The following NRROS variants were observed in gnomAD, a reference collection of about 807,000 sequenced individuals.
NRROS encodes negative regulator of reactive oxygen species, also known as transforming growth factor beta activator LRRC33.
Under a neutral mutation model 12.0 loss-of-function variants are expected in NRROS, and 6 were observed. The observed-to-expected ratio is 0.50, with a 90% CI of 0.27 to 0.98. NRROS has a LOEUF of 0.98. Ranked by LOEUF, NRROS falls within the 50% of genes least tolerant of loss-of-function variation. NRROS has a pLI of 0.11. For missense variants in NRROS, 857 were observed against 888.2 expected, an observed-to-expected ratio of 0.96 and a Z score of 0.45; for synonymous variants, 462 against 410.2, an observed-to-expected ratio of 1.13 and a Z score of -1.53.
At chr3:196,648,466 T>C (rs1260913545) in intron 1 of NRROS, among the ~76,000 whole-genome samples, 1 of 152,114 alleles carries the variant, frequency 6.6e-6, no homozygotes, top group African/African-American at 2.4e-5. Flanking sequence ...TGTTAGAGAT[T>C]CTTTAAAATC....
Position 196,654,347 on chromosome 3 carries a change from G to A in NRROS, c.-13-180G>A, listed in dbSNP as rs911877479. ...TTGAGTTCTTGTCAACAGTTTCAGT[G>A]AAAGGCCGGAAGTCTTGGCTAAATG... is the stretch of plus-strand genomic sequence containing the variant. On this transcript the variant is annotated intron_variant, in intron 1 of 2. Transcript: ENST00000328557. This position sits in a 1 kb window ranked among gnomAD's most constrained non-coding sequence, Gnocchi z 4.4. 1.3e-5 allele frequency among the ~76,000 whole-genome samples: 2 copies of A among 152,204 alleles called. No individual in the cohort carries two copies. The highest frequency in any genetic ancestry group is 2.9e-5 in the Non-Finnish European group (2 of 68,038).
At chr3:196,649,356 A>C (rs1470421526) in intron 1 of NRROS, among the ~76,000 whole-genome samples, 1 of 152,198 alleles carries the variant, frequency 6.6e-6, no homozygotes, top group African/African-American at 2.4e-5. Flanking sequence ...GGAGGCCTCC[A>C]TCCGGCACCG....
chr3:196,656,480 T>C (rs1737539537), intron 2 of NRROS, among the ~76,000 whole-genome samples: 1 of 152,300 alleles, frequency 6.6e-6, no homozygotes, highest in Admixed American at 6.5e-5. Flanking sequence ...TACGTAATAA[T>C]AATATCTACC....
At position 196,661,702 on chromosome 3, in the gene NRROS, C is replaced by T; in HGVS notation, c.2059C>T (p.His687Tyr). The change falls in exon 3 of 3, where the codon CAC becomes TAC. Residue 687 changes from histidine to tyrosine, a missense_variant. Physicochemically the swap from His to Tyr is moderately conservative, Grantham distance 83. Transcript: ENST00000328557. Reference sequence around the variant, plus strand: ...GCTTCAGGTCATCAAGAGCCGCTGCCACTGGTCCTCCGTTTACTGACCTGG... The same window carrying T: ...GCTTCAGGTCATCAAGAGCCGCTGCTACTGGTCCTCCGTTTACTGACCTGG... ...PLLQVIKSRC[H>Y]WSSVY 1 of 1,593,304 alleles carries T rather than the reference C, an allele frequency of 6.3e-7. No homozygotes were observed. The highest frequency in any genetic ancestry group is 1.3e-5 in the African/African-American group (1 of 74,922).
At chr3:196,650,192 G>T (rs1235144763) in intron 1 of NRROS, among the ~76,000 whole-genome samples, 2 of 152,220 alleles carry the variant, frequency 1.3e-5, no homozygotes, top group Admixed American at 1.3e-4. Context: ...CTGCTGCCCA[G>T]GTTGGAGTGC....
intron 1 of NRROS, among the ~76,000 whole-genome samples, chr3:196,651,143 T>C (rs1187155810): frequency 6.6e-6 from 1 of 152,210 alleles, no homozygotes. Flanking sequence ...CTCTTTGCAG[T>C]GCCATGGCTC....
intron 2 of NRROS, among the ~76,000 whole-genome samples, chr3:196,656,692 C>G (rs1169847045): frequency 6.6e-6 from 1 of 152,114 alleles, no homozygotes; most frequent in African/African-American, 2.4e-5. Context: ...CAGGGGTTAC[C>G]AGGCACAGGA....
In NRROS at chr3:196,661,437, C is replaced by T. The variant is rs1178779571; in HGVS notation, c.1794C>T (p.Cys598=). Residue 598 remains cysteine, a synonymous_variant, in exon 3 of 3, where the codon TGC becomes TGT. Coordinates refer to ENST00000328557, the MANE Select transcript of NRROS (RefSeq NM_198565.3). The part of the protein sequence containing the change: ...TIYLSQNPYD[C]CGVDGWGALQ... Reference sequence around the variant, plus strand: ...ACCTCAGTCAGAATCCATATGACTGCTGTGGGGTGGATGGCTGGGGGGCCC... The same window carrying T: ...ACCTCAGTCAGAATCCATATGACTGTTGTGGGGTGGATGGCTGGGGGGCCC... 6.3e-7 allele frequency: 1 copy of T among 1,589,262 alleles called. No homozygotes were observed.
At chr3:196,653,672 G>T (rs574340957) in intron 1 of NRROS, among the ~76,000 whole-genome samples, 2 of 152,222 alleles carry the variant, frequency 1.3e-5, no homozygotes, top group African/African-American at 4.8e-5. Context: ...GGAGCGAGGC[G>T]GGGCTGCTCT....
chr3:196,645,370 A>G (rs1318795416), intron 1 of NRROS, among the ~76,000 whole-genome samples: 1 of 152,214 alleles, frequency 6.6e-6, no homozygotes, highest in Non-Finnish European at 1.5e-5. Context: ...CTGATGCAGA[A>G]GTCACAGACC....
intron 1 of NRROS, among the ~76,000 whole-genome samples, chr3:196,654,000 C>A (rs1224351994): frequency 1.3e-5 from 2 of 152,070 alleles, no homozygotes; most frequent in African/African-American, 4.8e-5. Flanking sequence ...ATGAGTGAAC[C>A]AAAGAGATCA....
At chr3:196,640,348 G>A (rs182013765) in intron 1 of NRROS, among the ~76,000 whole-genome samples, 6 of 152,188 alleles carry the variant, frequency 3.9e-5, no homozygotes, top group Admixed American at 6.5e-5. Context: ...CCACAACGTG[G>A]ATTGAGAACC....
Position 196,661,928 on chromosome 3 carries a change from A to G in NRROS, c.*206A>G, listed in dbSNP as rs1267048314. 2.5e-6 allele frequency: 1 copy of G among 395,734 alleles called. No individual in the cohort carries two copies. The highest frequency in any genetic ancestry group is 4.3e-6 in the Non-Finnish European group (1 of 235,154). 24.5% of individuals were successfully genotyped at this position (395,734 alleles called of 1,614,324 possible). ...TCCATCATTATAATTCATCCTCATT[A>G]TCTTGGTAAAATATTTATTAAGTGA... On this transcript the variant is annotated 3_prime_UTR_variant, in exon 3 of 3. Coordinates refer to ENST00000328557, the MANE Select transcript of NRROS (RefSeq NM_198565.3).
In NRROS at chr3:196,654,488, C is replaced by A; in HGVS notation, c.-13-39C>A. The A allele has an allele frequency of 8.3e-7, 1 of 1,205,842 alleles. No individual in the cohort carries two copies. The highest frequency in any genetic ancestry group is 1.2e-6 in the Non-Finnish European group (1 of 806,890). The allele number at this position is 1,205,842 out of a possible 1,614,324, so 74.7% of individuals were successfully genotyped here. On this transcript the variant is annotated intron_variant, in intron 1 of 2. Coordinates refer to ENST00000328557, the MANE Select transcript of NRROS (RefSeq NM_198565.3). The surrounding 1 kb of genome is among the most constrained non-coding windows in gnomAD (Gnocchi z 4.4). ...TAATACAAACAGCCCTCTGGGATGTCCTTCTCTGACTTACCTCTTCCCTGC... is the reference window on the plus strand; with the variant it reads ...TAATACAAACAGCCCTCTGGGATGTACTTCTCTGACTTACCTCTTCCCTGC...
intron 1 of NRROS, among the ~76,000 whole-genome samples, chr3:196,649,938 C>T (rs1046810119): frequency 2.6e-5 from 4 of 152,008 alleles, no homozygotes; most frequent in East Asian, 1.9e-4. Flanking sequence ...GGAGAGGGTC[C>T]GGTCCCAGCT....
rs796762750 is a variant in NRROS at position 196,661,387 on chromosome 3, C to T, written c.1744C>T (p.Leu582Phe). ...TCCCCAGAAGGCTGTGTCTGAGCAG[C>T]TCTCGAGAGGTCTGCGGACCATCTA... ...ALPQKAVSEQLSRGLRTIYLS... is the reference protein window; with the variant it reads ...ALPQKAVSEQFSRGLRTIYLS... The change falls in exon 3 of 3, where the codon CTC (leucine) becomes TTC (phenylalanine). Residue 582 changes from leucine to phenylalanine, a missense_variant. Physicochemically the swap from Leu to Phe is conservative, Grantham distance 22. Coordinates refer to ENST00000328557, the MANE Select transcript of NRROS (RefSeq NM_198565.3). 6.4e-7 allele frequency: 1 copy of T among 1,571,468 alleles called. No homozygotes were observed. The highest frequency in any genetic ancestry group is 8.6e-7 in the Non-Finnish European group (1 of 1,156,504).
At chr3:196,655,747 C>T (rs1027252369) in intron 2 of NRROS, among the ~76,000 whole-genome samples, 17 of 152,192 alleles carry the variant, frequency 1.1e-4, no homozygotes. Context: ...TAAGAAGACC[C>T]GGAGCGTGGA....
At chr3:196,658,922 A>T (rs530813686) in intron 2 of NRROS, among the ~76,000 whole-genome samples, 1 of 152,328 alleles carries the variant, frequency 6.6e-6, no homozygotes, top group East Asian at 1.9e-4. Context: ...GTGAGCTGAG[A>T]TCACACCATT....
Position 196,654,524 on chromosome 3 carries a change from C to T in NRROS, c.-13-3C>T, listed in dbSNP as rs759420892. ...TTACCTCTTCCCTGCTCTCTGTCCA[C>T]AGGGCTGCCCTTGAGATGGAGTTGC... is the stretch of plus-strand genomic sequence containing the variant. On this transcript the variant is annotated splice_polypyrimidine_tract_variant and splice_region_variant and intron_variant, in intron 1 of 2. Transcript: ENST00000328557. The surrounding 1 kb of genome is among the most constrained non-coding windows in gnomAD (Gnocchi z 4.4). The T allele has an allele frequency of 2.5e-6, 4 of 1,569,150 alleles. No homozygotes were observed. Among genetic ancestry groups the T allele is most frequent in the Non-Finnish European group, 3.5e-6 (4 of 1,138,974 alleles).
Sources: allele counts gnomAD v4.1 joint callset (sites outside exome capture counted in the v4.1 genomes callset), GRCh38; gene constraint gnomAD v4.1.1; non-coding constraint Gnocchi (gnomAD v3.1); transcripts MANE v1.5; gene names NCBI Gene and HGNC (gene_info 2026-07-23, HGNC 2026-07-21).